The following GSE1 variants were observed in gnomAD, a reference collection of about 807,000 sequenced individuals.
The protein encoded by GSE1 is Gse1 coiled-coil protein.
Under a neutral mutation model 112.6 loss-of-function variants are expected in GSE1, and 32 were observed. The observed-to-expected ratio is 0.28, with a 90% CI of 0.21 to 0.38. The LOEUF (loss-of-function observed/expected upper bound fraction) is 0.38. Among genes scored for constraint, GSE1 ranks in the 10% least tolerant of loss-of-function variants. The pLI, the probability that GSE1 is intolerant of heterozygous loss-of-function variation, is 1.00. For synonymous variants in GSE1, 1,115 were observed against 735.6 expected, an observed-to-expected ratio of 1.52 and a Z score of -8.35; for missense variants, 2,348 against 1,699.2, an observed-to-expected ratio of 1.38 and a Z score of -6.71.
At chr16:85,663,717 C>G (rs1335936628) in intron 11 of GSE1, 103 bp downstream of exon 11, 5 of 1,187,596 alleles carry the variant, frequency 4.2e-6, no homozygotes, top group Non-Finnish European at 4.8e-6. Context: ...TCTGCGATCA[C>G]TGAGCCTGAG....
chr16:85,339,277 G>A (rs934985929), intron 1 of GSE1, among the ~76,000 whole-genome samples: 8 of 152,166 alleles, frequency 5.3e-5, no homozygotes, highest in Non-Finnish European at 7.3e-5. Context: ...TGGCTGACCC[G>A]GGATTTCCAG....
chr16:85,205,918 G>T (rs545120041), intron 1 of GSE1, among the ~76,000 whole-genome samples: 1 of 152,360 alleles, frequency 6.6e-6, no homozygotes, highest in East Asian at 1.9e-4. Context: ...CTGCAAGACA[G>T]AAACGTGGTG....
intron 1 of GSE1, among the ~76,000 whole-genome samples, chr16:85,590,647 G>C (rs756859906): frequency 6.6e-6 from 1 of 152,114 alleles, no homozygotes; most frequent in Non-Finnish European, 1.5e-5. Flanking sequence ...GTGTGTGAGC[G>C]TGTGTGATTG....
At chr16:85,387,979 AGTGGATGGGTGGGTGG>A (rs1390971582) in intron 2 of GSE1, among the ~76,000 whole-genome samples, 1 of 96,742 alleles carries the variant, frequency 1.0e-5, no homozygotes. Flanking sequence ...TAGATGGGTG[AGTGGATGGGTGGGTGG>A]ATGGATGGAT....
intron 2 of GSE1, among the ~76,000 whole-genome samples, chr16:85,362,934 C>T (rs2056401849): frequency 6.7e-6 from 1 of 149,348 alleles, no homozygotes; most frequent in South Asian, 2.1e-4. Context: ...CTCCCAGGCT[C>T]AAGCAATTCT....
chr16:85,623,131 T>C (rs982300056), intron 1 of GSE1, among the ~76,000 whole-genome samples: 1 of 152,148 alleles, frequency 6.6e-6, no homozygotes, highest in Non-Finnish European at 1.5e-5. Flanking sequence ...ACATTGCCCA[T>C]TGATTCTCGT....
At chr16:85,216,497 T>C (rs2075308785) in intron 1 of GSE1, among the ~76,000 whole-genome samples, 1 of 152,112 alleles carries the variant, frequency 6.6e-6, no homozygotes, top group Admixed American at 6.5e-5. Flanking sequence ...ATAGCTAATA[T>C]AATATTTTTT....
chr16:85,347,090 G>T (rs544441133), intron 1 of GSE1, among the ~76,000 whole-genome samples: 1 of 152,312 alleles, frequency 6.6e-6, no homozygotes, highest in South Asian at 2.1e-4. Context: ...CAGGAAGGCC[G>T]CTGCTCGGTG....
At chr16:85,204,152 G>T (rs556936388) in intron 1 of GSE1, among the ~76,000 whole-genome samples, 1 of 152,180 alleles carries the variant, frequency 6.6e-6, no homozygotes, top group Non-Finnish European at 1.5e-5. Context: ...TCAGTCTCCA[G>T]CGATTGTGAA....
chr16:85,390,995 C>T (rs1375240335), intron 2 of GSE1, among the ~76,000 whole-genome samples: 3 of 152,170 alleles, frequency 2.0e-5, no homozygotes, highest in Admixed American at 6.5e-5. Context: ...TTCACGGCTC[C>T]GCCGCTGCGC....
chr16:85,194,536 A>T (rs1230590272), intron 1 of GSE1, among the ~76,000 whole-genome samples: 1 of 152,116 alleles, frequency 6.6e-6, no homozygotes, highest in Non-Finnish European at 1.5e-5. Flanking sequence ...ATGACTCTGG[A>T]AGTATGGGAG....
chr16:85,190,121 ATCT>A (rs1185220923), intron 1 of GSE1, among the ~76,000 whole-genome samples: 3 of 152,192 alleles, frequency 2.0e-5, no homozygotes, highest in East Asian at 1.9e-4. Context: ...CCCAAGCCTG[ATCT>A]TCTCTCTATG....
At chr16:85,239,088 C>T (rs374645635) in intron 1 of GSE1, among the ~76,000 whole-genome samples, 2 of 152,102 alleles carry the variant, frequency 1.3e-5, no homozygotes, top group Non-Finnish European at 2.9e-5. Context: ...CCACCACGCC[C>T]CCCTAATTTG....
At chr16:85,221,104 C>G (rs2075383621) in intron 1 of GSE1, among the ~76,000 whole-genome samples, 2 of 151,994 alleles carry the variant, frequency 1.3e-5, no homozygotes, top group South Asian at 4.2e-4. Context: ...TGGAGTCGAC[C>G]AGACCTCCGA....
At chr16:85,404,458 A>G in intron 2 of GSE1, among the ~76,000 whole-genome samples, 1 of 12,218 alleles carries the variant, frequency 8.2e-5, no homozygotes, top group African/African-American at 5.6e-4. Context: ...TGTTACACTC[A>G]GGCCCCCCGG....
At chr16:85,651,149 C>CTGCCCACAGA (rs1567721417) in intron 3 of GSE1, among the ~76,000 whole-genome samples, 2 of 147,796 alleles carry the variant, frequency 1.4e-5, no homozygotes, top group Middle Eastern at 3.2e-3. Flanking sequence ...AAATGAAAAG[C>CTGCCCACAGA]TGCCCACAGA....
chr16:85,598,508 T>C (rs2047331099), intron 1 of GSE1, among the ~76,000 whole-genome samples: 1 of 152,234 alleles, frequency 6.6e-6, no homozygotes, highest in Non-Finnish European at 1.5e-5. Context: ...CAGTGTACTT[T>C]AAAACGAATG....
rs1037645785 is a variant in GSE1, at chr16:85,550,829, G to C, written c.2465-83085G>C. ...TTTGAAGGTGCAGCTGGTGTTGGGT[G>C]GGGGGCTGCATCTTCAGATTGGGGA... On this transcript the variant is annotated intron_variant, in intron 2 of 2. Coordinates refer to the GSE1 transcript ENST00000637419. Among the ~76,000 whole-genome samples the C allele has an allele frequency of 1.8e-4, 27 of 152,350 alleles. No homozygotes were observed. In the East Asian group the frequency reaches 4.2e-3, roughly 24 times the overall value.
At chr16:85,343,512 G>A (rs1373990743) in intron 1 of GSE1, among the ~76,000 whole-genome samples, 1 of 152,158 alleles carries the variant, frequency 6.6e-6, no homozygotes, top group Non-Finnish European at 1.5e-5. Flanking sequence ...ATTTTGGGAG[G>A]TTGAAGCAGG....
Sources: gnomAD v4.1 joint callset for allele counts (sites outside exome capture counted in the v4.1 genomes callset) on GRCh38, gnomAD v4.1.1 for gene constraint, MANE v1.5 for transcripts, NCBI Gene and HGNC (gene_info 2026-07-23, HGNC 2026-07-21) for gene names.